The following SIX5 variants were observed in gnomAD, a reference collection of about 807,000 sequenced individuals.
SIX5 encodes SIX homeobox 5.
SIX5 carries 21 observed loss-of-function variants against 37.1 expected under a neutral mutation model. The observed-to-expected ratio is 0.57, with a 90% CI of 0.40 to 0.81. The LOEUF is 0.81. Ranked by LOEUF, SIX5 falls within the 40% of genes least tolerant of loss-of-function variation. The probability of loss-of-function intolerance (pLI) is 0.00; values close to 1 mark genes in which losing one functional copy is unlikely to be tolerated. For missense variants in SIX5, 1,137 were observed against 1,025.1 expected (o/e 1.11, Z -1.49); for synonymous variants, 626 against 505.9 (o/e 1.24, Z -3.19).
In SIX5 at chr19:45,768,760, C is replaced by A. The variant is rs1373551223; in HGVS notation, c.85G>T (p.Glu29Ter). The A allele has an allele frequency of 6.5e-7, 1 of 1,527,482 alleles. No individual in the cohort carries two copies. 94.6% of individuals were successfully genotyped at this position (1,527,482 alleles called of 1,614,324 possible). A position where few individuals can be genotyped will look rare whatever the true frequency, so the allele number is the denominator to read the frequency against. Residue 29 changes from glutamate (E) to a stop codon, truncating the protein, a stop_gained, in exon 1 of 3, where the codon GAG becomes TAG. Coordinates refer to ENST00000317578, the MANE Select transcript of SIX5 (RefSeq NM_175875.5). LOFTEE classifies it high-confidence loss of function. ...TGCAAGAGCTGGCGCGCTTCCTCCTCCTCCTCTTCGGTCGCCGCCGCCGCC... is the reference window on the plus strand; with the variant it reads ...TGCAAGAGCTGGCGCGCTTCCTCCTACTCCTCTTCGGTCGCCGCCGCCGCC... ...VAAAAATEEE[E>*]EEARQLLQTL...
chr19:45,768,307 G>A lies in SIX5; in HGVS notation c.538C>T (p.Leu180Phe). The A allele has an allele frequency of 6.2e-7, 1 of 1,609,778 alleles. No homozygotes were observed. Among genetic ancestry groups the A allele is most frequent in the South Asian group, 1.1e-5 (1 of 90,560 alleles). ...AGTCGATACTTGTCCACTGCGCCAA[G>A]CGCGCGGCCGCGGGCCCGCTCGGCC... Reference protein sequence around the residue: ...HEAERARGRALGAVDKYRLRK... With the variant: ...HEAERARGRAFGAVDKYRLRK... Residue 180 changes from leucine (L) to phenylalanine (F), a missense_variant, in exon 1 of 3, where the codon CTT (leucine) becomes TTT (phenylalanine). By Grantham distance (22) the Leu-to-Phe change is conservative. Around this residue, in one of 3 missense-constraint regions of SIX5, gnomAD observed 331 missense variants for 360.9 expected, o/e 0.92. Coordinates refer to ENST00000317578, the MANE Select transcript of SIX5 (RefSeq NM_175875.5).
intron 1 of SIX5, 52 bp downstream of exon 1, chr19:45,767,990 T>G: frequency 6.4e-7 from 1 of 1,559,826 alleles, no homozygotes; most frequent in Non-Finnish European, 8.7e-7. Context: ...AGAGGGCTGG[T>G]GGACGGGATG....
In SIX5 at chr19:45,766,772, T is replaced by A; in HGVS notation, c.1187A>T (p.Glu396Val). The A allele has an allele frequency of 6.3e-7, 1 of 1,580,448 alleles. No homozygotes were observed. The highest frequency in any genetic ancestry group is 2.3e-5 in the East Asian group (1 of 42,786). Residue 396 changes from glutamate to valine, a missense_variant, in exon 2 of 3, where the codon GAG becomes GTG. By Grantham distance (121) the Glu-to-Val change is moderately radical (BLOSUM62 -2). Transcript: ENST00000317578. ...CTCAGGGGCCTCCGACTGAGCCTCCTCCAGCCGCACCTCCCCTGTCTGAGG... is the reference window on the plus strand; with the variant it reads ...CTCAGGGGCCTCCGACTGAGCCTCCACCAGCCGCACCTCCCCTGTCTGAGG... The part of the protein sequence containing the change: ...LDPQTGEVRL[E>V]EAQSEAPETK...
chr19:45,765,780 G>C lies in SIX5; in HGVS notation c.1941C>G (p.Phe647Leu). Residue 647 changes from phenylalanine (F) to leucine (L), a missense_variant, in exon 3 of 3, where the codon TTC becomes TTG. Physicochemically the swap from Phe to Leu is conservative, Grantham distance 22 (BLOSUM62 0). Coordinates refer to ENST00000317578, the MANE Select transcript of SIX5 (RefSeq NM_175875.5). The stretch of plus-strand genomic sequence containing the variant: ...TCAGCCCCTCTGGTGGGGGCGCCGG[G>C]AAGTTGGGCAGGAGGCCAGGGGAGT... The part of the protein sequence containing the change: ...SPDSPGLLPN[F>L]PAPPPEGLML... 1 of 1,607,960 alleles carries C rather than the reference G, an allele frequency of 6.2e-7. No individual in the cohort carries two copies. Among genetic ancestry groups the C allele is most frequent in the Non-Finnish European group, 8.5e-7 (1 of 1,179,940 alleles).
Position 45,765,438 on chromosome 19 carries a change from C to G in SIX5, c.*63G>C, listed in dbSNP as rs1202525693. ...GCAACCGCATTTCTGGGGCTCCCCC[C>G]TCCCATTCCTGTCCCTGCGTCTTCA... On this transcript the variant is annotated 3_prime_UTR_variant, in exon 3 of 3. Coordinates refer to ENST00000317578, the MANE Select transcript of SIX5 (RefSeq NM_175875.5). 3 of 1,610,032 alleles carry G rather than the reference C, an allele frequency of 1.9e-6. No homozygotes were observed. Among genetic ancestry groups the G allele is most frequent in the African/African-American group, 2.7e-5 (2 of 74,944 alleles).
At position 45,767,988 on chromosome 19, in the gene SIX5, G is replaced by C. The variant is rs1969116302; in HGVS notation, c.803+54C>G. ...GCAGTGGGCACGGGGGAAGAGGGCT[G>C]GTGGACGGGATGTCCCCGGGAGAGC... On this transcript the variant is annotated intron_variant, in intron 1 of 2. Coordinates refer to ENST00000317578, the MANE Select transcript of SIX5 (RefSeq NM_175875.5). 4 of 1,551,802 alleles carry C rather than the reference G, an allele frequency of 2.6e-6. No individual in the cohort carries two copies. In the Admixed American group the frequency reaches 7.0e-5, roughly 27 times the overall value.
rs1471961753 is a variant in SIX5, at chr19:45,765,964, G to A, written c.1757C>T (p.Pro586Leu). 1.3e-6 allele frequency: 2 copies of A among 1,592,848 alleles called. No homozygotes were observed. The highest frequency in any genetic ancestry group is 1.3e-5 in the African/African-American group (1 of 74,686). Residue 586 changes from proline (P) to leucine (L), a missense_variant, in exon 3 of 3, where the codon CCA (proline) becomes CTA (leucine). Pro to Leu is a moderately conservative substitution (Grantham distance 98). Coordinates refer to ENST00000317578, the MANE Select transcript of SIX5 (RefSeq NM_175875.5). ...GGAGATGGCCGTCTCTGGCTTCAGT[G>A]GCAGGGCCAGGCCGGGGGCTGGCGG... ...VLPPAPGLAL[P>L]LKPETAISVP... is the part of the protein sequence containing the mutation.
Position 45,765,474 on chromosome 19 carries a change from C to T in SIX5, c.*27G>A, listed in dbSNP as rs529275321. 6 of 1,612,800 alleles carry T rather than the reference C, an allele frequency of 3.7e-6. No individual in the cohort carries two copies. The highest frequency in any genetic ancestry group is 4.5e-5 in the East Asian group (2 of 44,894). On this transcript the variant is annotated 3_prime_UTR_variant, in exon 3 of 3. Coordinates refer to ENST00000317578, the MANE Select transcript of SIX5 (RefSeq NM_175875.5). ...GTCCCTGCGTCTTCAGCACCAATGT[C>T]GGGAGAGGCCACGGGGCCACACTGG...
chr19:45,768,990 A>T lies in SIX5; in HGVS notation c.-146T>A. 2 of 754,810 alleles carry T rather than the reference A, an allele frequency of 2.6e-6. No homozygotes were observed. The highest frequency in any genetic ancestry group is 3.6e-5 in the South Asian group (2 of 55,284). 46.8% of individuals were successfully genotyped at this position (754,810 alleles called of 1,614,324 possible). A position where few individuals can be genotyped will look rare whatever the true frequency, so the allele number is the denominator to read the frequency against. ...GGCCGACCCTGCGCCCCACGCCGGG[A>T]AGGCGAGATCCAGCTCTCCACTCGG... On this transcript the variant is annotated 5_prime_UTR_variant, in exon 1 of 3. Transcript: ENST00000317578.
chr19:45,768,983 C>A lies in SIX5; in HGVS notation c.-139G>T, dbSNP rs1263147135. The stretch of plus-strand genomic sequence containing the variant: ...TCTTTCTGGCCGACCCTGCGCCCCA[C>A]GCCGGGAAGGCGAGATCCAGCTCTC... On this transcript the variant is annotated 5_prime_UTR_variant, in exon 1 of 3. Coordinates refer to ENST00000317578, the MANE Select transcript of SIX5 (RefSeq NM_175875.5). The A allele has an allele frequency of 1.4e-5, 12 of 832,890 alleles. No individual in the cohort carries two copies. The highest frequency in any genetic ancestry group is 2.3e-5 in the Admixed American group (1 of 43,332). The allele number at this position is 832,890 out of a possible 1,614,324, so 51.6% of individuals were successfully genotyped here.
At chr19:45,767,883 T>A in intron 1 of SIX5, 159 bp downstream of exon 1, 1 of 744,100 alleles carries the variant, frequency 1.3e-6, no homozygotes, top group Non-Finnish European at 2.1e-6. Flanking sequence ...CCGTCCACAC[T>A]TAGTCCCCGC....
In SIX5 at chr19:45,765,406, G is replaced by A; in HGVS notation, c.*95C>T. ...CAGGCAGAAGGATGTGGTGACTGGG[G>A]TCTTCAGCAACCGCATTTCTGGGGC... is the stretch of plus-strand genomic sequence containing the variant. On this transcript the variant is annotated 3_prime_UTR_variant, in exon 3 of 3. Transcript: ENST00000317578. The A allele has an allele frequency of 6.4e-7, 1 of 1,570,680 alleles. No individual in the cohort carries two copies. Among genetic ancestry groups the A allele is most frequent in the South Asian group, 1.1e-5 (1 of 89,752 alleles).
At position 45,768,746 on chromosome 19, in the gene SIX5, G is replaced by A. The variant is rs1331402977; in HGVS notation, c.99C>T (p.Arg33=). The A allele has an allele frequency of 1.4e-5, 22 of 1,518,488 alleles. No homozygotes were observed. The Admixed American group carries it at 2.8e-4, about 20-fold the overall frequency. 94.1% of individuals were successfully genotyped at this position (1,518,488 alleles called of 1,614,324 possible). Residue 33 remains arginine, a synonymous_variant, in exon 1 of 3, where the codon CGC becomes CGT. Transcript: ENST00000317578. The part of the protein sequence containing the change: ...AATEEEEEEA[R]QLLQTLQAAE... ...CCGCCTGCAAAGTCTGCAAGAGCTG[G>A]CGCGCTTCCTCCTCCTCCTCTTCGG...
At position 45,768,312 on chromosome 19, in the gene SIX5, C is replaced by T; in HGVS notation, c.533G>A (p.Arg178His). Reference protein sequence around the residue: ...RYHEAERARGRALGAVDKYRL... With the variant: ...RYHEAERARGHALGAVDKYRL... ...ATACTTGTCCACTGCGCCAAGCGCG[C>T]GGCCGCGGGCCCGCTCGGCCTCATG... is the stretch of plus-strand genomic sequence containing the variant. The change falls in exon 1 of 3, where the codon CGC (arginine) becomes CAC (histidine). Residue 178 changes from arginine (R) to histidine (H), a missense_variant. Physicochemically the swap from Arg to His is conservative, Grantham distance 29. Coordinates refer to ENST00000317578, the MANE Select transcript of SIX5 (RefSeq NM_175875.5). 1 of 1,609,198 alleles carries T rather than the reference C, an allele frequency of 6.2e-7. No individual in the cohort carries two copies.
rs148263533 is a variant in SIX5, at chr19:45,766,197, C to A, written c.1610-86G>T. ...AAGTGGAGACTGTGCAGCTGGAGGG[C>A]GGGCGGAGGGAGCCTTGTGGTGGGC... On this transcript the variant is annotated intron_variant, in intron 2 of 2. Transcript: ENST00000317578. The A allele has an allele frequency of 1.1e-5, 17 of 1,527,150 alleles. No homozygotes were observed. The African/African-American group carries it at 1.5e-4, about 14-fold the overall frequency. 94.6% of individuals were successfully genotyped at this position (1,527,150 alleles called of 1,614,324 possible).
chr19:45,766,827 T>G lies in SIX5; in HGVS notation c.1132A>C (p.Ser378Arg), dbSNP rs746216610. 9.0e-6 allele frequency: 14 copies of G among 1,551,380 alleles called. No homozygotes were observed. In the East Asian group the frequency reaches 3.4e-4, roughly 37 times the overall value. Residue 378 changes from serine (S) to arginine (R), a missense_variant, in exon 2 of 3, where the codon AGC (serine) becomes CGC (arginine). Ser to Arg is a moderately radical substitution (Grantham distance 110). Coordinates refer to ENST00000317578, the MANE Select transcript of SIX5 (RefSeq NM_175875.5). ...AGGACCAGAGAGGTCTTGGTCTCGC[T>G]GGCCCCCTGAGGGCTGGGCTGCGGT... ...PPPQPSPQGASETKTSLVLDP... is the reference protein window; with the variant it reads ...PPPQPSPQGARETKTSLVLDP...
rs1173019400 is a variant in SIX5, at chr19:45,765,806, CAG to C, written c.1913_1914del (p.Pro638ArgfsTer64). On this transcript the variant is annotated frameshift_variant, in exon 3 of 3. Transcript: ENST00000317578. LOFTEE classifies it high-confidence loss of function. ...AAGTTGGGCAGGAGGCCAGGGGAGT[CAG>C]GGGAGAAGGGCAGGCTGGTGCTGGA... ...TTSSTSLPFS[P>X]DSPGLLPNFP... is the part of the protein sequence containing the mutation. The C allele has an allele frequency of 2.5e-6, 4 of 1,604,160 alleles. No homozygotes were observed. The highest frequency in any genetic ancestry group is 3.4e-6 in the Non-Finnish European group (4 of 1,179,824).
At position 45,766,753 on chromosome 19, in the gene SIX5, G is replaced by A. The variant is rs1291994183; in HGVS notation, c.1206C>T (p.Ala402=). Reference sequence around the variant, plus strand: ...CCACCTGGGCCCCTTTGGTCTCAGGGGCCTCCGACTGAGCCTCCTCCAGCC... The same window carrying A: ...CCACCTGGGCCCCTTTGGTCTCAGGAGCCTCCGACTGAGCCTCCTCCAGCC... ...EVRLEEAQSE[A]PETKGAQVAA... The change falls in exon 2 of 3, where the codon GCC becomes GCT. Residue 402 remains alanine (A), a synonymous_variant. Transcript: ENST00000317578. 11 of 1,580,668 alleles carry A rather than the reference G, an allele frequency of 7.0e-6. No homozygotes were observed. The highest frequency in any genetic ancestry group is 3.5e-5 in the Admixed American group (2 of 57,080).
At position 45,765,882 on chromosome 19, in the gene SIX5, G is replaced by C. The variant is rs1173375298; in HGVS notation, c.1839C>G (p.Ala613=). Residue 613 remains alanine, a synonymous_variant, in exon 3 of 3, where the codon GCC becomes GCG. Coordinates refer to ENST00000317578, the MANE Select transcript of SIX5 (RefSeq NM_175875.5). ...APSPALPEAH[A]LGTLSAQQPP... ...GCTGCTGTGCAGAAAGGGTGCCTAG[G>C]GCGTGAGCCTCTGGGAGAGCAGGGC... 6.3e-7 allele frequency: 1 copy of C among 1,594,932 alleles called. No homozygotes were observed. The highest frequency in any genetic ancestry group is 8.5e-7 in the Non-Finnish European group (1 of 1,174,156).
Sources: allele counts gnomAD v4.1 joint callset, GRCh38; gene constraint gnomAD v4.1.1; regional missense constraint gnomAD v4.1.1; transcripts MANE v1.5; gene names NCBI Gene and HGNC (gene_info 2026-07-23, HGNC 2026-07-21).